Variants in ERICH3 observed in about 807,000 individuals in gnomAD.
ERICH3 encodes glutamate rich 3.
ERICH3 carries 126 observed loss-of-function variants against 131.1 expected under a neutral mutation model. The ratio of observed to expected loss-of-function variants is 0.96; its 90% CI spans 0.83 to 1.11. ERICH3 has a LOEUF of 1.11. Among genes scored for constraint, ERICH3 ranks in the 50% most tolerant of loss-of-function variants. ERICH3 has a pLI of 0.00. For missense variants in ERICH3, 2,050 were observed against 1,810.7 expected (o/e 1.13, Z -2.40); for synonymous variants, 695 against 644.6 (o/e 1.08, Z -1.18).
chr1:74,612,106 G>A (rs919227825), intron 9 of ERICH3, among the ~76,000 whole-genome samples: 3 of 152,164 alleles, frequency 2.0e-5, no homozygotes, highest in African/African-American at 7.2e-5. Context: ...CTTTTATCAT[G>A]CATTTTGTTA....
intron 10 of ERICH3, among the ~76,000 whole-genome samples, chr1:74,604,284 T>G (rs1472689402): frequency 6.6e-6 from 1 of 151,920 alleles, no homozygotes; most frequent in Non-Finnish European, 1.5e-5. Context: ...TCTTGCTATT[T>G]CTACCACATC....
At chr1:74,581,323 A>C (rs1448368303) in intron 12 of ERICH3, among the ~76,000 whole-genome samples, 2 of 151,932 alleles carry the variant, frequency 1.3e-5, no homozygotes, top group African/African-American at 4.8e-5. Flanking sequence ...CTTCTTATAC[A>C]TTTCTTAAAG....
intron 9 of ERICH3, among the ~76,000 whole-genome samples, chr1:74,610,870 C>T (rs1344591213): frequency 6.6e-6 from 1 of 151,998 alleles, no homozygotes; most frequent in Non-Finnish European, 1.5e-5. Context: ...TTCACATATC[C>T]ACACATTCAA....
chr1:74,617,449 C>A (rs1056642289), intron 8 of ERICH3, among the ~76,000 whole-genome samples: 2 of 152,070 alleles, frequency 1.3e-5, no homozygotes, highest in Non-Finnish European at 2.9e-5. Flanking sequence ...TACAAATGTC[C>A]TCTAACTGGG....
chr1:74,653,420 C>CGA (rs139869173), intron 1 of ERICH3, among the ~76,000 whole-genome samples: 188 of 134,884 alleles, frequency 1.4e-3, no homozygotes, highest in Middle Eastern at 7.7e-3. Context: ...AGAGAGAGAA[C>CGA]GAGAGAGAGA....
chr1:74,606,816 T>C lies in ERICH3; in HGVS notation c.1274A>G (p.Lys425Arg). ...EKSTEKGEEL[K>R]KAEGKVRKER... ...TTTCCTCACTTTCCCCTCAGCCTTC[T>C]TCAGTTCCTCTCCTTTCTCAGTGCT... The change falls in exon 10 of 15, where the codon AAG becomes AGG. Residue 425 changes from lysine (K) to arginine (R), a missense_variant. By Grantham distance (26) the Lys-to-Arg change is conservative. Coordinates refer to ENST00000326665, the MANE Select transcript of ERICH3 (RefSeq NM_001002912.5). The C allele has an allele frequency of 1.2e-6, 2 of 1,613,366 alleles. No homozygotes were observed. The highest frequency in any genetic ancestry group is 1.7e-6 in the Non-Finnish European group (2 of 1,179,536).
intron 1 of ERICH3, among the ~76,000 whole-genome samples, chr1:74,672,559 A>G (rs1646751675): frequency 6.6e-6 from 1 of 152,206 alleles, no homozygotes; most frequent in Admixed American, 6.5e-5. Flanking sequence ...AAACATCACA[A>G]ACTCCAAATG....
At chr1:74,611,350 A>G (rs986324784) in intron 9 of ERICH3, among the ~76,000 whole-genome samples, 1 of 152,138 alleles carries the variant, frequency 6.6e-6, no homozygotes, top group Non-Finnish European at 1.5e-5. Flanking sequence ...CCTGCATCCA[A>G]TTCATCAGTA....
intron 12 of ERICH3, among the ~76,000 whole-genome samples, chr1:74,584,048 G>T (rs1028955656): frequency 6.6e-6 from 1 of 152,146 alleles, no homozygotes; most frequent in Non-Finnish European, 1.5e-5. Flanking sequence ...ACCTTGAAAA[G>T]TATCCCTGTG....
intron 2 of ERICH3, 43 bp downstream of exon 2, chr1:74,649,179 T>C: frequency 1.4e-6 from 2 of 1,383,052 alleles, no homozygotes; most frequent in African/African-American, 2.9e-5. Context: ...ATTATTGGAC[T>C]TAATGAAACA....
rs751032690 is a variant in ERICH3 at position 74,571,622 on chromosome 1, G to C, written c.4088C>G (p.Ser1363Trp). 2 of 1,613,936 alleles carry C rather than the reference G, an allele frequency of 1.2e-6. No individual in the cohort carries two copies. Among genetic ancestry groups the C allele is most frequent in the Non-Finnish European group, 1.7e-6 (2 of 1,180,016 alleles). The change falls in exon 14 of 15, where the codon TCG (serine) becomes TGG (tryptophan). Residue 1363 changes from serine (S) to tryptophan (W), a missense_variant. Transcript: ENST00000326665. ...TATTGTTTTCTCCTCGGCTGTCTCC[G>C]AACCTGCCAACACCTCCCTCTCCTC... The part of the protein sequence containing the change: ...AAEEREVLAG[S>W]ETAEEKTIAN...
rs1277102404 is a variant in ERICH3, at chr1:74,636,448, T to C, written c.445-10A>G. On this transcript the variant is annotated splice_polypyrimidine_tract_variant and intron_variant, in intron 5 of 14. Transcript: ENST00000326665. ...ATGGTCGAGGGGCTGTCTAGACAATTAGGGGAAAAAATTCCATTTAAATTA... is the reference window on the plus strand; with the variant it reads ...ATGGTCGAGGGGCTGTCTAGACAATCAGGGGAAAAAATTCCATTTAAATTA... The C allele has an allele frequency of 1.9e-6, 3 of 1,591,206 alleles. No individual in the cohort carries two copies. The highest frequency in any genetic ancestry group is 2.6e-6 in the Non-Finnish European group (3 of 1,169,380).
chr1:74,646,740 A>C lies in ERICH3; in HGVS notation c.170T>G (p.Met57Arg), dbSNP rs753218829. The change falls in exon 3 of 15, where the codon ATG becomes AGG. Residue 57 changes from methionine to arginine, a missense_variant. Physicochemically the swap from Met to Arg is moderately conservative, Grantham distance 91. Coordinates refer to ENST00000326665, the MANE Select transcript of ERICH3 (RefSeq NM_001002912.5). ...GATATATTTTTGATGATCCCGCTTC[A>C]TCATATTTAGTTTATATTCTTTTTC... ...LSEKEYKLNM[M>R]KRDHQKYIRE... The C allele has an allele frequency of 2.7e-5, 41 of 1,506,090 alleles. No homozygotes were observed. Among genetic ancestry groups the C allele is most frequent in the Non-Finnish European group, 3.5e-5 (39 of 1,112,888 alleles). The allele number at this position is 1,506,090 out of a possible 1,614,324, so 93.3% of individuals were successfully genotyped here.
chr1:74,580,992 TG>T (rs1182519762), intron 12 of ERICH3, among the ~76,000 whole-genome samples: 1 of 152,224 alleles, frequency 6.6e-6, no homozygotes, highest in African/African-American at 2.4e-5. Flanking sequence ...ATAAATGTTT[TG>T]TCATATCCAT....
chr1:74,583,635 A>C (rs1647219220), intron 12 of ERICH3, among the ~76,000 whole-genome samples: 2 of 152,130 alleles, frequency 1.3e-5, no homozygotes, highest in Non-Finnish European at 2.9e-5. Context: ...GGGTTTGGGC[A>C]GTAGAAAGGT....
intron 1 of ERICH3, among the ~76,000 whole-genome samples, chr1:74,662,203 CCT>C (rs1646648481): frequency 6.6e-6 from 1 of 152,146 alleles, no homozygotes; most frequent in East Asian, 1.9e-4. Context: ...GAGCCAGTCT[CCT>C]CACCAAGGAT....
intron 1 of ERICH3, among the ~76,000 whole-genome samples, chr1:74,655,332 C>T (rs564725): frequency 0.66 from 101,037 of 152,052 alleles, 33,830 homozygotes; most frequent in African/African-American, 0.71. Flanking sequence ...TATTCTCTTA[C>T]AGCTCTGGAG....
chr1:74,575,860 G>A (rs111697908), intron 13 of ERICH3, among the ~76,000 whole-genome samples: 6 of 152,350 alleles, frequency 3.9e-5, no homozygotes, highest in South Asian at 2.1e-4. Flanking sequence ...CAGACATGAC[G>A]TTCCTCAAGC....
intron 8 of ERICH3, among the ~76,000 whole-genome samples, chr1:74,619,528 A>G (rs1202493746): frequency 6.6e-6 from 1 of 152,172 alleles, no homozygotes; most frequent in Non-Finnish European, 1.5e-5. Context: ...ACTCCATGCT[A>G]CTCAGAATAG....
Sources: gnomAD v4.1 joint callset for allele counts (sites outside exome capture counted in the v4.1 genomes callset) on GRCh38, gnomAD v4.1.1 for gene constraint, MANE v1.5 for transcripts, NCBI Gene and HGNC (gene_info 2026-07-23, HGNC 2026-07-21) for gene names.